GPC5: variants seen among roughly 807,000 people sequenced by gnomAD.
GPC5 encodes glypican-5.
A neutral mutation model predicts 53.9 loss-of-function variants in GPC5; 47 were observed. The observed-to-expected ratio is 0.87, with a 90% CI of 0.69 to 1.11. The LOEUF (loss-of-function observed/expected upper bound fraction) is 1.11, where lower values mean the gene tolerates loss of function less well. GPC5 is among the 50% of genes most tolerant of loss of function. The probability of loss-of-function intolerance (pLI) is 0.00; values close to 1 mark genes in which losing one functional copy is unlikely to be tolerated. For missense variants in GPC5, 748 were observed against 713.1 expected (o/e 1.05, Z -0.56); for synonymous variants, 286 against 263.3 (o/e 1.09, Z -0.84).
At chr13:91,991,827 T>A (rs1393274912) in intron 6 of GPC5, among the ~76,000 whole-genome samples, 2 of 148,630 alleles carry the variant, frequency 1.3e-5, no homozygotes, top group African/African-American at 5.0e-5. Flanking sequence ...AGATAGTTAA[T>A]TTCTCTGCAT....
chr13:92,297,399 T>A (rs2043044478), intron 7 of GPC5, among the ~76,000 whole-genome samples: 1 of 139,076 alleles, frequency 7.2e-6, no homozygotes, highest in Non-Finnish European at 1.6e-5. Context: ...ATCGACACTC[T>A]GTATCCAGCT....
At chr13:91,683,998 A>G (rs1469055241) in intron 2 of GPC5, among the ~76,000 whole-genome samples, 1 of 152,128 alleles carries the variant, frequency 6.6e-6, no homozygotes, top group East Asian at 1.9e-4. Context: ...TCTCTTTCTC[A>G]TCAGTTCCCA....
chr13:92,295,064 A>T (rs1191468124), intron 7 of GPC5, among the ~76,000 whole-genome samples: 1 of 151,830 alleles, frequency 6.6e-6, no homozygotes, highest in Non-Finnish European at 1.5e-5. Flanking sequence ...TCCTGTCCTC[A>T]GGTGATATAC....
chr13:92,770,795 A>G (rs1188107483), intron 7 of GPC5, among the ~76,000 whole-genome samples: 3 of 152,062 alleles, frequency 2.0e-5, no homozygotes, highest in African/African-American at 7.2e-5. Flanking sequence ...TATTATTTCA[A>G]CCTTCCGTTT....
intron 7 of GPC5, among the ~76,000 whole-genome samples, chr13:92,851,265 G>C (rs1878790353): frequency 6.6e-6 from 1 of 151,998 alleles, no homozygotes; most frequent in Non-Finnish European, 1.5e-5. Flanking sequence ...ATTTGGACGG[G>C]GACACAGATC....
intron 7 of GPC5, among the ~76,000 whole-genome samples, chr13:92,541,499 A>G (rs1429844122): frequency 6.6e-6 from 1 of 151,806 alleles, no homozygotes; most frequent in African/African-American, 2.4e-5. Flanking sequence ...TTTTTACTCA[A>G]CTTCATTTGA....
chr13:92,674,690 ATCT>A (rs1170001173), intron 7 of GPC5, among the ~76,000 whole-genome samples: 7 of 152,060 alleles, frequency 4.6e-5, no homozygotes, highest in Admixed American at 3.9e-4. Context: ...TGATTATTTT[ATCT>A]TCTTCTTTCT....
At chr13:91,667,082 T>C (rs1214920938) in intron 2 of GPC5, among the ~76,000 whole-genome samples, 1 of 152,240 alleles carries the variant, frequency 6.6e-6, no homozygotes, top group Non-Finnish European at 1.5e-5. Context: ...AGTTCTTCTA[T>C]TGCTGACTTA....
At chr13:92,341,839 G>C (rs890328007) in intron 7 of GPC5, among the ~76,000 whole-genome samples, 1 of 152,046 alleles carries the variant, frequency 6.6e-6, no homozygotes, top group African/African-American at 2.4e-5. Context: ...AATCTAGGCT[G>C]TTGCGTTTAT....
intron 7 of GPC5, among the ~76,000 whole-genome samples, chr13:92,862,320 T>TGTTG (rs1879206296): frequency 6.6e-6 from 1 of 152,310 alleles, no homozygotes; most frequent in Non-Finnish European, 1.5e-5. Context: ...CAATATTAAT[T>TGTTG]AAAAGTGTTC....
intron 2 of GPC5, among the ~76,000 whole-genome samples, chr13:91,586,315 T>C (rs2032565654): frequency 6.7e-6 from 1 of 148,378 alleles, no homozygotes; most frequent in African/African-American, 2.5e-5. Context: ...TATAAGATTG[T>C]TTCAAAGGGC....
intron 7 of GPC5, among the ~76,000 whole-genome samples, chr13:92,695,648 T>G (rs574037409): frequency 6.6e-6 from 1 of 152,166 alleles, no homozygotes; most frequent in South Asian, 2.1e-4. Flanking sequence ...ACAACAGACT[T>G]TTGGTAGGAC....
At chr13:92,026,007 T>C (rs2040797923) in intron 6 of GPC5, among the ~76,000 whole-genome samples, 1 of 152,144 alleles carries the variant, frequency 6.6e-6, no homozygotes, top group Non-Finnish European at 1.5e-5. Flanking sequence ...CAGATCTGAA[T>C]GATCTCTAAT....
chr13:92,200,632 C>T (rs1435253957), intron 7 of GPC5, among the ~76,000 whole-genome samples: 3 of 152,204 alleles, frequency 2.0e-5, no homozygotes, highest in African/African-American at 7.2e-5. Flanking sequence ...ATTATCAGTG[C>T]TTATATCCTC....
chr13:92,597,685 A>G (rs1883924857), intron 7 of GPC5, among the ~76,000 whole-genome samples: 1 of 152,304 alleles, frequency 6.6e-6, no homozygotes, highest in Admixed American at 6.5e-5. Flanking sequence ...CATTTTATTC[A>G]TTGACATTTT....
At chr13:91,768,113 A>C (rs1215566329) in intron 5 of GPC5, among the ~76,000 whole-genome samples, 1 of 152,194 alleles carries the variant, frequency 6.6e-6, no homozygotes, top group Non-Finnish European at 1.5e-5. Context: ...TAGCATATAA[A>C]TTCACTGTTG....
At chr13:92,395,101 A>G (rs932021938) in intron 7 of GPC5, among the ~76,000 whole-genome samples, 5 of 152,162 alleles carry the variant, frequency 3.3e-5, no homozygotes, top group Admixed American at 6.5e-5. Context: ...GTATTAAACC[A>G]TTAGTACTTA....
At chr13:91,880,230 C>A (rs1404895774) in intron 5 of GPC5, among the ~76,000 whole-genome samples, 2 of 151,874 alleles carry the variant, frequency 1.3e-5, no homozygotes, top group Non-Finnish European at 2.9e-5. Context: ...TAGTGAAACA[C>A]GTATTTAACT....
chr13:92,643,075 G>A (rs943259741), intron 7 of GPC5, among the ~76,000 whole-genome samples: 103 of 152,054 alleles, frequency 6.8e-4, no homozygotes, highest in African/African-American at 2.2e-3. Context: ...GGGGTTGTTC[G>A]TTTTTTTCTT....
Sources: allele counts gnomAD v4.1 joint callset (sites outside exome capture counted in the v4.1 genomes callset), GRCh38; gene constraint gnomAD v4.1.1; transcripts MANE v1.5; gene names NCBI Gene and HGNC (gene_info 2026-07-23, HGNC 2026-07-21).